The following RGS7 variants were observed in gnomAD, a reference collection of about 807,000 sequenced individuals.
RGS7 encodes the protein regulator of G-protein signaling 7.
In RGS7, 27 loss-of-function variants were observed where a neutral mutation model predicts 81.1. That is an observed-to-expected ratio of 0.33 (90% confidence interval 0.25 to 0.46). RGS7 has a LOEUF of 0.46. Ranked by LOEUF, RGS7 falls within the 20% of genes least tolerant of loss-of-function variation. The pLI is 1.00. For missense variants in RGS7, 396 were observed against 607.4 expected (o/e 0.65, Z 3.66); for synonymous variants, 208 against 207.7 (o/e 1.00, Z -0.01).
intron 9 of RGS7, among the ~76,000 whole-genome samples, chr1:240,863,021 A>G (rs1662523853): frequency 6.6e-6 from 1 of 151,868 alleles, no homozygotes; most frequent in Admixed American, 6.6e-5. Flanking sequence ...GTGGCATGAT[A>G]TAGCTCACTG....
At chr1:240,827,445 T>A (rs1391234653) in intron 9 of RGS7, among the ~76,000 whole-genome samples, 2 of 152,130 alleles carry the variant, frequency 1.3e-5, no homozygotes, top group Non-Finnish European at 2.9e-5. Context: ...GGACTGCACA[T>A]GTGAAAGTGG....
intron 3 of RGS7, among the ~76,000 whole-genome samples, chr1:240,994,807 CTG>C (rs894654677): frequency 1.3e-5 from 2 of 152,016 alleles, no homozygotes; most frequent in Non-Finnish European, 2.9e-5. Flanking sequence ...TTATTTGAGA[CTG>C]TGTCTCCCTC....
At chr1:241,230,364 C>T (rs111906333) in intron 2 of RGS7, among the ~76,000 whole-genome samples, 15,892 of 152,062 alleles carry the variant, frequency 0.1, 949 homozygotes, top group Admixed American at 0.19. Flanking sequence ...CAGGTGTGTG[C>T]CACCACGCCT....
chr1:241,008,912 C>CAAAAAA (rs33916247), intron 3 of RGS7, among the ~76,000 whole-genome samples: 7 of 77,900 alleles, frequency 9.0e-5, no homozygotes, highest in Non-Finnish European at 1.7e-4. Flanking sequence ...ACTCTGTCTC[C>CAAAAAA]AAAAAAAAAA....
chr1:241,248,405 T>C (rs2076663729), intron 2 of RGS7, among the ~76,000 whole-genome samples: 1 of 148,126 alleles, frequency 6.8e-6, no homozygotes, highest in African/African-American at 2.5e-5. Context: ...CATATGTATA[T>C]ATATATACAT....
chr1:241,081,218 T>C (rs1157824289), intron 3 of RGS7, among the ~76,000 whole-genome samples: 2 of 152,230 alleles, frequency 1.3e-5, no homozygotes, highest in Non-Finnish European at 2.9e-5. Context: ...TAACTTTCTG[T>C]TCTTCACATA....
intron 2 of RGS7, among the ~76,000 whole-genome samples, chr1:241,124,463 T>A (rs1277082923): frequency 6.6e-6 from 1 of 152,166 alleles, no homozygotes; most frequent in Non-Finnish European, 1.5e-5. Context: ...TATCAAGCTT[T>A]ATAAAAGCAT....
chr1:240,935,809 A>C (rs1572855294), intron 5 of RGS7, among the ~76,000 whole-genome samples: 1 of 152,214 alleles, frequency 6.6e-6, no homozygotes, highest in South Asian at 2.1e-4. Context: ...AAAGTCTGAA[A>C]GTTGGACTGT....
intron 2 of RGS7, among the ~76,000 whole-genome samples, chr1:241,204,046 T>C (rs1200702763): frequency 2.0e-5 from 3 of 152,186 alleles, no homozygotes; most frequent in Admixed American, 6.5e-5. Context: ...ATGCCAAATA[T>C]TACCAAAAGT....
At chr1:241,252,410 T>C (rs1327798717) in intron 2 of RGS7, among the ~76,000 whole-genome samples, 1 of 152,304 alleles carries the variant, frequency 6.6e-6, no homozygotes, top group East Asian at 1.9e-4. Flanking sequence ...CTCACTACCA[T>C]GAGCCAGAGC....
chr1:240,856,302 T>C (rs1661115807), intron 9 of RGS7, among the ~76,000 whole-genome samples: 1 of 152,190 alleles, frequency 6.6e-6, no homozygotes, highest in South Asian at 2.1e-4. Context: ...ATAGATCTCA[T>C]TATAGTATTT....
rs1330422639 is a variant in RGS7, at chr1:241,327,126, GAAA to G, written c.78+28570_78+28572del. On this transcript the variant is annotated intron_variant, in intron 2 of 18. Coordinates refer to ENST00000440928, the MANE Select transcript of RGS7 (RefSeq NM_001364886.1). ...AGAAAGAAAGAAAGAAAGAAAGAAA[GAAA>G]GAAAGAAAGAAAGAAAGGAAAGAAA... is the stretch of plus-strand genomic sequence containing the variant. Among the ~76,000 whole-genome samples, 62 of 106,114 alleles carry G rather than the reference GAAA, an allele frequency of 5.8e-4. 3 individuals carry two copies. The South Asian group carries it at 0.013, about 23-fold the overall frequency. The allele number at this position is 106,114 out of a possible 152,430, so 69.6% of individuals were successfully genotyped here. A position where few individuals can be genotyped will look rare whatever the true frequency, so the allele number is the denominator to read the frequency against.
At chr1:241,327,050 A>AAGG (rs2081578219) in intron 2 of RGS7, among the ~76,000 whole-genome samples, 1 of 1,830 alleles carries the variant, frequency 5.5e-4, no homozygotes. Flanking sequence ...GAGGGAGGGG[A>AAGG]AAGGAAGGAA....
intron 3 of RGS7, among the ~76,000 whole-genome samples, chr1:241,010,778 G>A (rs949575611): frequency 6.6e-6 from 1 of 152,098 alleles, no homozygotes; most frequent in African/African-American, 2.4e-5. Context: ...TCGCGTCTGG[G>A]AATCACAGCA....
intron 2 of RGS7, among the ~76,000 whole-genome samples, chr1:241,245,170 T>C (rs2076459032): frequency 6.6e-6 from 1 of 152,186 alleles, no homozygotes; most frequent in South Asian, 2.1e-4. Context: ...TTTGGATTTG[T>C]GTCCCCACCC....
At chr1:241,159,829 C>T (rs977399334) in intron 2 of RGS7, among the ~76,000 whole-genome samples, 1 of 151,934 alleles carries the variant, frequency 6.6e-6, no homozygotes, top group Admixed American at 6.6e-5. Flanking sequence ...GCCAAAAACA[C>T]AGCAGGTAAG....
chr1:240,882,983 C>T lies in RGS7; in HGVS notation c.386-12864G>A, dbSNP rs371421889. Among the ~76,000 whole-genome samples the T allele has an allele frequency of 6.0e-4, 92 of 152,256 alleles. No homozygotes were observed. In the Middle Eastern group the frequency reaches 0.017, roughly 28 times the overall value. ...TTCAATTCCCACCTATGAGTGAGAA[C>T]ATGTGGTGTTTGGTTTTTTGTCCTT... On this transcript the variant is annotated intron_variant, in intron 6 of 18. Transcript: ENST00000440928.
intron 2 of RGS7, among the ~76,000 whole-genome samples, chr1:241,129,765 T>G (rs546420306): frequency 3.3e-5 from 5 of 152,204 alleles, no homozygotes; most frequent in East Asian, 1.9e-4. Context: ...CGAGTCTGTA[T>G]TTCCAAAAAA....
intron 5 of RGS7, among the ~76,000 whole-genome samples, chr1:240,935,050 A>C (rs1418134050): frequency 7.0e-6 from 1 of 142,768 alleles, no homozygotes; most frequent in Non-Finnish European, 1.5e-5. Flanking sequence ...CACAACACCC[A>C]GCTAATTTTT....
Sources: allele counts gnomAD v4.1 joint callset (sites outside exome capture counted in the v4.1 genomes callset), GRCh38; gene constraint gnomAD v4.1.1; transcripts MANE v1.5; gene names NCBI Gene and HGNC (gene_info 2026-07-23, HGNC 2026-07-21).